MSRA: variants seen among roughly 807,000 people sequenced by gnomAD.
MSRA encodes mitochondrial peptide methionine sulfoxide reductase.
MSRA carries 54 observed loss-of-function variants against 31.3 expected under a neutral mutation model. That is an observed-to-expected ratio of 1.73 (90% CI 1.39 to 2.17). The LOEUF is 2.17. Among genes scored for constraint, MSRA ranks in the 30% most tolerant of loss-of-function variants. The probability of loss-of-function intolerance (pLI) is 0.00; values close to 1 mark genes in which losing one functional copy is unlikely to be tolerated. For missense variants in MSRA, 507 were observed against 300.9 expected, an observed-to-expected ratio of 1.69 and a Z score of -5.07; for synonymous variants, 169 against 116.5, an observed-to-expected ratio of 1.45 and a Z score of -2.90.
intron 5 of MSRA, among the ~76,000 whole-genome samples, chr8:10,377,655 C>G (rs1425293117): frequency 2.0e-5 from 3 of 152,176 alleles, no homozygotes; most frequent in African/African-American, 7.2e-5. Flanking sequence ...ACCCCGTGTC[C>G]AGAGCTTGGG....
rs188514089 is a variant in MSRA, at chr8:10,400,248, G to A, written c.544-27900G>A. On this transcript the variant is annotated intron_variant, in intron 5 of 5. Transcript: ENST00000317173. ...TGGGGCAGGGAGAGGGGCTAAGAGTGGGAAATGATGAGGGCCTGGGTTACA... is the reference window on the plus strand; with the variant it reads ...TGGGGCAGGGAGAGGGGCTAAGAGTAGGAAATGATGAGGGCCTGGGTTACA... Among the ~76,000 whole-genome samples, 264 of 152,174 alleles carry A rather than the reference G, an allele frequency of 1.7e-3. 5 individuals carry two copies. Among genetic ancestry groups the A allele is most frequent in the African/African-American group, 6.0e-3 (250 of 41,498 alleles).
intron 2 of MSRA, among the ~76,000 whole-genome samples, chr8:10,217,724 A>G (rs1055201943): frequency 6.6e-6 from 1 of 152,168 alleles, no homozygotes; most frequent in East Asian, 1.9e-4. Context: ...ATTTTGGTAT[A>G]TATCTCTAAA....
intron 1 of MSRA, among the ~76,000 whole-genome samples, chr8:10,153,414 G>C (rs1174027692): frequency 6.6e-6 from 1 of 151,950 alleles, no homozygotes; most frequent in Non-Finnish European, 1.5e-5. Flanking sequence ...CCTTTTCCCT[G>C]CTGGTCCACC....
At chr8:10,371,292 C>T (rs1421675339) in intron 5 of MSRA, among the ~76,000 whole-genome samples, 1 of 152,028 alleles carries the variant, frequency 6.6e-6, no homozygotes, top group Non-Finnish European at 1.5e-5. Context: ...TAGGAACACC[C>T]CTATATTATG....
At chr8:10,244,072 C>G (rs1462905249) in intron 2 of MSRA, among the ~76,000 whole-genome samples, 1 of 152,130 alleles carries the variant, frequency 6.6e-6, no homozygotes, top group Non-Finnish European at 1.5e-5. Flanking sequence ...TATCTTTCAG[C>G]TCTGTCGTCA....
At chr8:10,093,124 A>C (rs1332131671) in intron 1 of MSRA, among the ~76,000 whole-genome samples, 1 of 152,102 alleles carries the variant, frequency 6.6e-6, no homozygotes, top group Non-Finnish European at 1.5e-5. Context: ...ATTTTGTTTT[A>C]AAATTTTAAT....
At chr8:10,145,814 A>G (rs779376196) in intron 1 of MSRA, among the ~76,000 whole-genome samples, 2 of 151,990 alleles carry the variant, frequency 1.3e-5, no homozygotes, top group Non-Finnish European at 1.5e-5. Flanking sequence ...ATGTACATAC[A>G]CCCGCATCTG....
chr8:10,213,311 G>A (rs1244899833), intron 2 of MSRA, among the ~76,000 whole-genome samples: 1 of 151,736 alleles, frequency 6.6e-6, no homozygotes, highest in Non-Finnish European at 1.5e-5. Context: ...GTCTTTTTGT[G>A]CTGGACTTAT....
intron 1 of MSRA, among the ~76,000 whole-genome samples, chr8:10,076,340 G>A (rs1797994992): frequency 6.6e-6 from 1 of 152,184 alleles, no homozygotes; most frequent in Non-Finnish European, 1.5e-5. Flanking sequence ...CACACTCCCT[G>A]CAAGAGCTGC....
Position 10,356,650 on chromosome 8 carries a change from G to A in MSRA, c.543+36661G>A, listed in dbSNP as rs117743996. Among the ~76,000 whole-genome samples, 480 of 152,282 alleles carry A rather than the reference G, an allele frequency of 3.2e-3. 9 individuals carry two copies. Among genetic ancestry groups the A allele is most frequent in the East Asian group, 0.031 (163 of 5,176 alleles). On this transcript the variant is annotated intron_variant, in intron 5 of 5. Transcript: ENST00000317173. ...AGAGTGGAGCCCTGATAAATAGGAT[G>A]AGTGCCGTTGTAAAGAGACCCTTGG...
chr8:10,183,060 T>G (rs78701673), intron 1 of MSRA, among the ~76,000 whole-genome samples: 2,881 of 152,304 alleles, frequency 0.019, 94 homozygotes, highest in African/African-American at 0.065. Flanking sequence ...TTTTCCTTTA[T>G]CGTCTCCACT....
intron 2 of MSRA, among the ~76,000 whole-genome samples, chr8:10,219,317 C>G (rs1563231946): frequency 6.6e-6 from 1 of 152,162 alleles, no homozygotes; most frequent in Admixed American, 6.5e-5. Flanking sequence ...ACTTCCAGTT[C>G]TCACAGAAGG....
chr8:10,336,983 A>T (rs972338850), intron 5 of MSRA: 4 of 152,198 alleles, frequency 2.6e-5, no homozygotes, highest in African/African-American at 9.7e-5. Flanking sequence ...CAAGGCTGCC[A>T]TTCACCTGTG....
intron 3 of MSRA, among the ~76,000 whole-genome samples, chr8:10,248,163 C>G (rs1357348458): frequency 2.0e-5 from 3 of 152,196 alleles, no homozygotes; most frequent in African/African-American, 7.2e-5. Context: ...GGGAGAAATA[C>G]TAGTCTGTAC....
intron 3 of MSRA, among the ~76,000 whole-genome samples, chr8:10,270,839 G>C (rs925277470): frequency 3.9e-5 from 6 of 152,228 alleles, no homozygotes; most frequent in African/African-American, 1.4e-4. Context: ...CCAGGCTGAA[G>C]GCACTGCAGG....
chr8:10,274,930 T>C (rs1481706680), intron 3 of MSRA, among the ~76,000 whole-genome samples: 1 of 152,210 alleles, frequency 6.6e-6, no homozygotes, highest in Non-Finnish European at 1.5e-5. Flanking sequence ...TTTGAGTTGC[T>C]TTAAAACTCA....
At chr8:10,234,957 A>G (rs776072491) in intron 2 of MSRA, among the ~76,000 whole-genome samples, 1 of 152,148 alleles carries the variant, frequency 6.6e-6, no homozygotes, top group Non-Finnish European at 1.5e-5. Flanking sequence ...AGAAATCAAA[A>G]AATTCACAAT....
At chr8:10,111,693 T>C (rs573120243) in intron 1 of MSRA, among the ~76,000 whole-genome samples, 1 of 152,224 alleles carries the variant, frequency 6.6e-6, no homozygotes, top group African/African-American at 2.4e-5. Context: ...TGGGCTAGTA[T>C]TGCATGAGAA....
At chr8:10,415,291 G>A (rs1160817648) in intron 5 of MSRA, among the ~76,000 whole-genome samples, 1 of 152,170 alleles carries the variant, frequency 6.6e-6, no homozygotes, top group Admixed American at 6.5e-5. Flanking sequence ...GAATTTGTGA[G>A]GTGTGGGGAG....
Sources: gnomAD v4.1 joint callset for allele counts (sites outside exome capture counted in the v4.1 genomes callset) on GRCh38, gnomAD v4.1.1 for gene constraint, MANE v1.5 for transcripts, NCBI Gene and HGNC (gene_info 2026-07-23, HGNC 2026-07-21) for gene names.